CMSS1: variants seen among roughly 807,000 people sequenced by gnomAD.
CMSS1 encodes the protein cms1 ribosomal small subunit homolog, also known as protein CMSS1.
Under a neutral mutation model 43.5 loss-of-function variants are expected in CMSS1, and 33 were observed. That is an observed-to-expected ratio of 0.76 (90% CI 0.57 to 1.01). The LOEUF is 1.01. Among genes scored for constraint, CMSS1 ranks in the 50% least tolerant of loss-of-function variants. The pLI is 0.00. For missense variants in CMSS1, 313 were observed against 326.4 expected (o/e 0.96, Z 0.32); for synonymous variants, 115 against 117.2 (o/e 0.98, Z 0.12).
At chr3:99,839,865 A>G (rs566239180) in intron 1 of CMSS1, among the ~76,000 whole-genome samples, 49 of 152,346 alleles carry the variant, frequency 3.2e-4, no homozygotes, top group East Asian at 5.8e-4. Context: ...GACACCAGAC[A>G]TAAGAGTTTT....
chr3:99,997,151 C>G (rs1475329846), intron 1 of CMSS1, among the ~76,000 whole-genome samples: 2 of 151,958 alleles, frequency 1.3e-5, no homozygotes, highest in East Asian at 3.9e-4. Flanking sequence ...ACAAGAAAAA[C>G]CATACAAAGG....
At chr3:99,908,581 T>G (rs190984452) in intron 1 of CMSS1, among the ~76,000 whole-genome samples, 1 of 152,258 alleles carries the variant, frequency 6.6e-6, no homozygotes, top group African/African-American at 2.4e-5. Context: ...GAGGCCTAAT[T>G]CTCCTCTCCA....
chr3:100,030,386 C>T (rs1179520217), intron 1 of CMSS1, among the ~76,000 whole-genome samples: 1 of 152,074 alleles, frequency 6.6e-6, no homozygotes, highest in African/African-American at 2.4e-5. Flanking sequence ...ACTCATTGTC[C>T]TCTAAGAGCT....
At chr3:100,131,599 C>T (rs1284557291) in intron 1 of CMSS1, among the ~76,000 whole-genome samples, 1 of 152,196 alleles carries the variant, frequency 6.6e-6, no homozygotes, top group Non-Finnish European at 1.5e-5. Flanking sequence ...AGGCCTTTCC[C>T]AGTTCTCTTG....
At chr3:99,883,731 AAC>A (rs1231720528) in intron 1 of CMSS1, among the ~76,000 whole-genome samples, 1 of 152,236 alleles carries the variant, frequency 6.6e-6, no homozygotes, top group South Asian at 2.1e-4. Context: ...TAATAACAAA[AAC>A]AATAATAGGT....
intron 1 of CMSS1, among the ~76,000 whole-genome samples, chr3:100,046,336 A>G (rs1473982208): frequency 4.6e-5 from 7 of 152,128 alleles, no homozygotes; most frequent in Admixed American, 2.0e-4. Flanking sequence ...GAAATTCAGA[A>G]TTTGCAGAAT....
At chr3:100,134,708 A>G (rs980763959) in intron 1 of CMSS1, among the ~76,000 whole-genome samples, 1 of 152,188 alleles carries the variant, frequency 6.6e-6, no homozygotes, top group Admixed American at 6.5e-5. Context: ...TTTGAACTCA[A>G]TTAGGTTTAG....
chr3:99,980,262 T>TAAA (rs1469957236), intron 1 of CMSS1, among the ~76,000 whole-genome samples: 1 of 152,160 alleles, frequency 6.6e-6, no homozygotes, highest in East Asian at 1.9e-4. Flanking sequence ...CTGGATCTAC[T>TAAA]AATCTTACCT....
intron 1 of CMSS1, among the ~76,000 whole-genome samples, chr3:100,061,697 A>G (rs544546187): frequency 6.6e-6 from 1 of 152,290 alleles, no homozygotes; most frequent in East Asian, 1.9e-4. Context: ...AATTCATTTA[A>G]CCCTCACTAC....
chr3:100,068,013 A>T (rs1266234895), intron 1 of CMSS1, among the ~76,000 whole-genome samples: 1 of 152,214 alleles, frequency 6.6e-6, no homozygotes, highest in Non-Finnish European at 1.5e-5. Flanking sequence ...GTGCCTCCAC[A>T]GCATAAGCTT....
intron 1 of CMSS1, chr3:99,848,528 T>C (rs1943481359): frequency 6.2e-7 from 1 of 1,614,228 alleles, no homozygotes. Context: ...CTTGAGCTAT[T>C]GCTGTTTGAA....
chr3:99,908,192 A>G (rs1283429434), intron 1 of CMSS1, among the ~76,000 whole-genome samples: 1 of 152,208 alleles, frequency 6.6e-6, no homozygotes, highest in Non-Finnish European at 1.5e-5. Flanking sequence ...ATATGTCAGT[A>G]CAAATTGCTG....
At chr3:100,156,181 G>A (rs1226769359) in intron 2 of CMSS1, among the ~76,000 whole-genome samples, 1 of 151,694 alleles carries the variant, frequency 6.6e-6, no homozygotes, top group Non-Finnish European at 1.5e-5. Flanking sequence ...CTGGAGTGCA[G>A]TGGTACAATC....
At position 100,062,093 on chromosome 3, in the gene CMSS1, CTTTTTTTTTTTTTTTT is replaced by C. The variant is rs71907944; in HGVS notation, c.65-84859_65-84844del. ...CCACTTGTGGTTATCCTGTCTTCTT[CTTTTTTTTTTTTTTTT>C]TTTTTTTTTTTTTTTTTTTTGAGAC... is the stretch of plus-strand genomic sequence containing the variant. On this transcript the variant is annotated intron_variant, in intron 1 of 9. Coordinates refer to ENST00000421999, the MANE Select transcript of CMSS1 (RefSeq NM_032359.4). 9.5e-3 allele frequency among the ~76,000 whole-genome samples: 504 copies of C among 53,182 alleles called. 11 individuals carry two copies. Among genetic ancestry groups the C allele is most frequent in the East Asian group, 0.094 (182 of 1,936 alleles). 34.9% of individuals were successfully genotyped at this position (53,182 alleles called of 152,430 possible).
intron 1 of CMSS1, among the ~76,000 whole-genome samples, chr3:100,120,143 C>T (rs1415322169): frequency 2.6e-5 from 4 of 152,230 alleles, no homozygotes; most frequent in African/African-American, 9.6e-5. Context: ...GGGACTATCT[C>T]TTCATGTTCT....
At chr3:99,848,932 G>T (rs1296332755) in intron 1 of CMSS1, 1 of 1,614,050 alleles carries the variant, frequency 6.2e-7, no homozygotes, top group African/African-American at 1.3e-5. Flanking sequence ...TTCAAGAGTG[G>T]CTGTGTTTTG....
intron 1 of CMSS1, among the ~76,000 whole-genome samples, chr3:99,995,653 G>A (rs1463794275): frequency 6.6e-6 from 1 of 152,204 alleles, no homozygotes; most frequent in Non-Finnish European, 1.5e-5. Context: ...GGGCATCCAG[G>A]CGTTTCCATA....
At chr3:100,047,017 C>T (rs1306295999) in intron 1 of CMSS1, among the ~76,000 whole-genome samples, 2 of 152,144 alleles carry the variant, frequency 1.3e-5, no homozygotes, top group Non-Finnish European at 2.9e-5. Context: ...ACAGTGCTCC[C>T]GACTTGAGTT....
chr3:100,129,285 A>G (rs1008464484), intron 1 of CMSS1, among the ~76,000 whole-genome samples: 2 of 152,096 alleles, frequency 1.3e-5, no homozygotes, highest in African/African-American at 4.8e-5. Context: ...TAGATTTTTG[A>G]GGGATGAATG....
Sources: allele counts gnomAD v4.1 joint callset (sites outside exome capture counted in the v4.1 genomes callset), GRCh38; gene constraint gnomAD v4.1.1; transcripts MANE v1.5; gene names NCBI Gene and HGNC (gene_info 2026-07-23, HGNC 2026-07-21).